Variants in SYNE4 observed in about 807,000 individuals in gnomAD.
SYNE4 encodes the protein spectrin repeat containing nuclear envelope family member 4.
A neutral mutation model predicts 46.9 loss-of-function variants in SYNE4; 41 were observed. That is an observed-to-expected ratio of 0.87 (90% CI 0.68 to 1.13). The LOEUF (loss-of-function observed/expected upper bound fraction) is 1.13, where lower values mean the gene tolerates loss of function less well. Ranked by LOEUF, SYNE4 falls within the 50% of genes most tolerant of loss-of-function variation. The probability of loss-of-function intolerance (pLI) is 0.00; values close to 1 mark genes in which losing one functional copy is unlikely to be tolerated. For missense variants in SYNE4, 492 were observed against 514.8 expected (o/e 0.96, Z 0.43); for synonymous variants, 221 against 219.5 (o/e 1.01, Z -0.06).
At position 36,006,677 on chromosome 19, in the gene SYNE4, T is replaced by C. The variant is rs1362445671; in HGVS notation, c.619-6A>G. ...GTGTTGGCCTCCTCGAACACCTGGG[T>C]CAAAGGACAGAGGTCATGGAGGCTA... On this transcript the variant is annotated splice_polypyrimidine_tract_variant and splice_region_variant and intron_variant, in intron 4 of 7. Transcript: ENST00000324444. 8.8e-6 allele frequency: 14 copies of C among 1,595,150 alleles called. No homozygotes were observed. Among genetic ancestry groups the C allele is most frequent in the Non-Finnish European group, 1.2e-5 (14 of 1,168,650 alleles).
At chr19:36,003,548 T>TGTTTA (rs780869312) in intron 7 of SYNE4, 28 bp from the exon 8 acceptor site, 1 of 1,599,566 alleles carries the variant, frequency 6.3e-7, no homozygotes, top group Non-Finnish European at 8.5e-7. Context: ...GTGTTAAACA[T>TGTTTA]ACAGGTGGGC....
chr19:36,005,568 G>A (rs546414621), intron 5 of SYNE4, 131 bp from the exon 6 acceptor site: 4 of 727,504 alleles, frequency 5.5e-6, no homozygotes, highest in Non-Finnish European at 9.1e-6. Context: ...AACCAAGAGA[G>A]GAGAGAATTA....
chr19:36,003,669 G>A lies in SYNE4; in HGVS notation c.975C>T (p.Asp325=), dbSNP rs1446198287. 1 of 1,612,526 alleles carries A rather than the reference G, an allele frequency of 6.2e-7. No homozygotes were observed. Among genetic ancestry groups the A allele is most frequent in the Non-Finnish European group, 8.5e-7 (1 of 1,179,438 alleles). ...GATGAGGAGATGCTTGCCTCTTCTT[G>A]TCCTAAGGAGGGAGAGCAGCCAGCA... The part of the protein sequence containing the change: ...QRHSLLRKPQ[D]KKRQASPHLQ... Residue 325 remains aspartate (D), a splice_region_variant and synonymous_variant, in exon 7 of 8, where the codon GAC becomes GAT. Transcript: ENST00000324444.
chr19:36,008,445 C>T (rs772847570), intron 1 of SYNE4, 78 bp from the exon 2 acceptor site: 85 of 1,587,844 alleles, frequency 5.4e-5, no homozygotes, highest in Non-Finnish European at 7.2e-5. Context: ...CCCTGGTGGC[C>T]TCTCCTATGT....
Position 36,008,301 on chromosome 19 carries a change from T to C in SYNE4, c.195A>G (p.Pro65=), listed in dbSNP as rs772268177. The C allele has an allele frequency of 1.3e-6, 2 of 1,590,120 alleles. No homozygotes were observed. The highest frequency in any genetic ancestry group is 2.3e-5 in the South Asian group (2 of 86,842). ...LGPPEHFQGG[P]RGNEPAAHPP... ...GGTGAGCGGCAGGCTCATTGCCCCT[T>C]GGCCCACCCTGGAAGTGCTCAGGAG... The change falls in exon 2 of 8, where the codon CCA becomes CCG. Residue 65 remains proline (P), a synonymous_variant. Coordinates refer to ENST00000324444, the MANE Select transcript of SYNE4 (RefSeq NM_001039876.3).
chr19:36,003,367 G>A lies in SYNE4; in HGVS notation c.1185C>T (p.Leu395=). The A allele has an allele frequency of 6.2e-7, 1 of 1,614,120 alleles. No homozygotes were observed. The part of the protein sequence containing the change: ...ARIPRTPYLV[L]SYVNGLPPV ...CTGGGGGAAGACCATTGACATAGCTGAGCACCAGGTAGGGTGTCCTGGGTA... is the reference window on the plus strand; with the variant it reads ...CTGGGGGAAGACCATTGACATAGCTAAGCACCAGGTAGGGTGTCCTGGGTA... The change falls in exon 8 of 8, where the codon CTC becomes CTT. Residue 395 remains leucine (L), a synonymous_variant. Coordinates refer to ENST00000324444, the MANE Select transcript of SYNE4 (RefSeq NM_001039876.3).
rs766580479 is a variant in SYNE4, at chr19:36,005,416, G to T, written c.889C>A (p.Arg297=). 2 of 1,613,946 alleles carry T rather than the reference G, an allele frequency of 1.2e-6. No individual in the cohort carries two copies. The highest frequency in any genetic ancestry group is 1.1e-5 in the South Asian group (1 of 91,078). The change falls in exon 6 of 8, where the codon CGA becomes AGA. Residue 297 remains arginine (R), a synonymous_variant. Coordinates refer to ENST00000324444, the MANE Select transcript of SYNE4 (RefSeq NM_001039876.3). ...AGGCCAGACTCCAGCATGTCCTGTCGGGAGTGAGAGGTGTCTGCTTCCTGG... is the reference window on the plus strand; with the variant it reads ...AGGCCAGACTCCAGCATGTCCTGTCTGGAGTGAGAGGTGTCTGCTTCCTGG... ...GLEEADTSHS[R]QDMLESGLGH... is the part of the protein sequence containing the mutation.
chr19:36,007,482 A>G lies in SYNE4; in HGVS notation c.280-214T>C, dbSNP rs984465052. The G allele has an allele frequency of 1.1e-5, 11 of 985,216 alleles. No homozygotes were observed. In the African/African-American group the frequency reaches 1.9e-4, roughly 17 times the overall value. The allele number at this position is 985,216 out of a possible 1,614,324, so 61.0% of individuals were successfully genotyped here. ...TCTAGTTCAAGGTCTCCAGGTTTTC[A>G]AAGCTCCTGGAAACTTGGATGTGTG... On this transcript the variant is annotated intron_variant, in intron 2 of 7. Coordinates refer to ENST00000324444, the MANE Select transcript of SYNE4 (RefSeq NM_001039876.3).
intron 5 of SYNE4, chr19:36,006,115 T>A: frequency 2.9e-6 from 1 of 348,542 alleles, no homozygotes; most frequent in Non-Finnish European, 5.1e-6. Context: ...GGAGTGCTCA[T>A]GTTTGGAGGT....
At chr19:36,005,051 A>G (rs1351987986) in intron 6 of SYNE4, among the ~76,000 whole-genome samples, 12 of 151,492 alleles carry the variant, frequency 7.9e-5, no homozygotes, top group Admixed American at 7.9e-4. Flanking sequence ...TAGTTTTAGT[A>G]GAGACGGGGT....
chr19:36,006,596 C>T lies in SYNE4; in HGVS notation c.694G>A (p.Val232Ile), dbSNP rs911564940. Residue 232 changes from valine (V) to isoleucine (I), a missense_variant, in exon 5 of 8, where the codon GTC (valine) becomes ATC (isoleucine). Coordinates refer to ENST00000324444, the MANE Select transcript of SYNE4 (RefSeq NM_001039876.3). ...GDSDWPGPGG[V>I]WGPWAPSSLP... ...CTACTGGGTGCCCAGGGCCCCCAGA[C>T]CCCACCAGGTCCTGGCCAGTCCGAG... The T allele has an allele frequency of 1.2e-6, 2 of 1,608,762 alleles. No homozygotes were observed. Among genetic ancestry groups the T allele is most frequent in the Non-Finnish European group, 1.7e-6 (2 of 1,177,702 alleles).
chr19:36,003,965 C>T (rs548425900), intron 6 of SYNE4, among the ~76,000 whole-genome samples: 2 of 152,284 alleles, frequency 1.3e-5, no homozygotes, highest in South Asian at 4.1e-4. Flanking sequence ...ATCCGCCCAC[C>T]TCAGCCTCCC....
At chr19:36,007,008 TC>T in intron 3 of SYNE4, 64 bp from the exon 4 acceptor site, 1 of 1,529,572 alleles carries the variant, frequency 6.5e-7, no homozygotes, top group Non-Finnish European at 8.8e-7. Context: ...GTTACCCCCC[TC>T]CCCCATTTCC....
At chr19:36,004,174 A>G (rs1976772176) in intron 6 of SYNE4, among the ~76,000 whole-genome samples, 2 of 151,654 alleles carry the variant, frequency 1.3e-5, no homozygotes, top group African/African-American at 4.9e-5. Flanking sequence ...GCAACCATTT[A>G]CTTTTGTTTA....
intron 2 of SYNE4, among the ~76,000 whole-genome samples, chr19:36,007,792 G>A (rs911249942): frequency 2.0e-5 from 3 of 152,018 alleles, no homozygotes; most frequent in African/African-American, 7.2e-5. Context: ...GGGAGGCTGA[G>A]GTGGGTGGAT....
At chr19:36,006,275 T>G in intron 5 of SYNE4, 148 bp downstream of exon 5, 2 of 1,053,392 alleles carry the variant, frequency 1.9e-6, no homozygotes, top group Admixed American at 2.9e-5. Flanking sequence ...AGAGAAACAG[T>G]GAGATAGAAG....
chr19:36,006,977 A>C, intron 3 of SYNE4, 33 bp from the exon 4 acceptor site: 1 of 1,533,994 alleles, frequency 6.5e-7, no homozygotes, highest in African/African-American at 1.4e-5. Flanking sequence ...CCACGCACAC[A>C]CCAGGGACCC....
chr19:36,006,258 A>G (rs1490408865), intron 5 of SYNE4, 165 bp downstream of exon 5: 2 of 995,064 alleles, frequency 2.0e-6, no homozygotes, highest in Non-Finnish European at 2.8e-6. Context: ...ACAGAGACAG[A>G]CGAGAGAGAG....
intron 3 of SYNE4, 32 bp from the exon 4 acceptor site, chr19:36,006,976 C>T (rs374149668): frequency 1.3e-4 from 204 of 1,533,824 alleles, no homozygotes; most frequent in Non-Finnish European, 1.7e-4. Context: ...CCCACGCACA[C>T]ACCAGGGACC....
Sources: gnomAD v4.1 joint callset for allele counts (sites outside exome capture counted in the v4.1 genomes callset) on GRCh38, gnomAD v4.1.1 for gene constraint, MANE v1.5 for transcripts, NCBI Gene and HGNC (gene_info 2026-07-23, HGNC 2026-07-21) for gene names.